MARCHF1: variants seen among roughly 807,000 people sequenced by gnomAD.
MARCHF1 encodes E3 ubiquitin-protein ligase MARCHF1.
MARCHF1 carries 40 observed loss-of-function variants against 54.2 expected under a neutral mutation model. That is an observed-to-expected ratio of 0.74 (90% CI 0.57 to 0.96). The LOEUF (loss-of-function observed/expected upper bound fraction) is 0.96, where lower values mean the gene tolerates loss of function less well. Among genes scored for constraint, MARCHF1 ranks in the 40% least tolerant of loss-of-function variants. The pLI is 0.00. For missense variants in MARCHF1, 586 were observed against 656.5 expected, an observed-to-expected ratio of 0.89 and a Z score of 1.17; for synonymous variants, 236 against 236.3, an observed-to-expected ratio of 1.00 and a Z score of 0.01.
At chr4:164,118,211 T>C (rs115770467) in intron 1 of MARCHF1, among the ~76,000 whole-genome samples, 1,826 of 151,850 alleles carry the variant, frequency 0.012, 43 homozygotes, top group African/African-American at 0.042. Context: ...TATTTTTATA[T>C]GGAAAACATT....
At chr4:163,989,530 T>C (rs1022448204) in intron 2 of MARCHF1, among the ~76,000 whole-genome samples, 6 of 152,202 alleles carry the variant, frequency 3.9e-5, no homozygotes, top group African/African-American at 1.4e-4. Flanking sequence ...AGCTTCTCCT[T>C]GCTTTTCCAT....
In MARCHF1 at chr4:163,726,761, C is replaced by T. The variant is rs574377909; in HGVS notation, c.112-25898G>A. On this transcript the variant is annotated intron_variant, in intron 4 of 9. Transcript: ENST00000514618. The stretch of plus-strand genomic sequence containing the variant: ...GTTCCTGTTACTCTGCATCCTGCTA[C>T]ATTTGGTGGTGGTGTTTTGGTTTTG... Among the ~76,000 whole-genome samples the T allele has an allele frequency of 4.6e-5, 7 of 152,328 alleles. No individual in the cohort carries two copies. The South Asian group carries it at 1.4e-3, about 32-fold the overall frequency.
chr4:164,163,922 C>G (rs1199331722), intron 1 of MARCHF1, among the ~76,000 whole-genome samples: 1 of 151,656 alleles, frequency 6.6e-6, no homozygotes, highest in East Asian at 1.9e-4. Flanking sequence ...ATCAATAGTA[C>G]AAAGATGTCT....
At chr4:163,532,155 A>G (rs181608587) in intron 9 of MARCHF1, among the ~76,000 whole-genome samples, 2 of 152,026 alleles carry the variant, frequency 1.3e-5, no homozygotes, top group Admixed American at 1.3e-4. Context: ...TTGAAGTGGA[A>G]GAATAAAGTT....
At chr4:164,179,040 G>A (rs1390305564) in intron 1 of MARCHF1, among the ~76,000 whole-genome samples, 2 of 152,146 alleles carry the variant, frequency 1.3e-5, no homozygotes, top group Non-Finnish European at 2.9e-5. Flanking sequence ...CTCTCCCTGT[G>A]TTGGCGGGCA....
chr4:164,202,012 G>A (rs1294249231), intron 1 of MARCHF1, among the ~76,000 whole-genome samples: 1 of 152,120 alleles, frequency 6.6e-6, no homozygotes, highest in Non-Finnish European at 1.5e-5. Flanking sequence ...ACTATGTCAG[G>A]CTCTAGGGCT....
chr4:164,162,161 T>C (rs1454884492), intron 1 of MARCHF1, among the ~76,000 whole-genome samples: 1 of 152,052 alleles, frequency 6.6e-6, no homozygotes, highest in African/African-American at 2.4e-5. Context: ...AATAAGCAGA[T>C]AAAATATAAA....
At position 164,139,667 on chromosome 4, in the gene MARCHF1, T is replaced by G. The variant is rs560862223; in HGVS notation, c.-322-28005A>C. Among the ~76,000 whole-genome samples the G allele has an allele frequency of 2.0e-5, 3 of 152,104 alleles. No homozygotes were observed. The East Asian group carries it at 5.8e-4, about 29-fold the overall frequency. On this transcript the variant is annotated intron_variant, in intron 1 of 9. Transcript: ENST00000514618. ...GAGCTGCTCATCCCTGCTGTAAGAG[T>G]TGCTTACTCAGCGCAGGAGTAGAAA...
chr4:163,802,776 A>C (rs1748117412), intron 4 of MARCHF1, among the ~76,000 whole-genome samples: 1 of 152,094 alleles, frequency 6.6e-6, no homozygotes, highest in Admixed American at 6.6e-5. Flanking sequence ...TAGATAACAA[A>C]ATGTTGTTCT....
chr4:163,743,236 G>T (rs1746260186), intron 4 of MARCHF1, among the ~76,000 whole-genome samples: 2 of 152,134 alleles, frequency 1.3e-5, no homozygotes, highest in Non-Finnish European at 1.5e-5. Context: ...TCAAAAAAAA[G>T]ATTATAAAAT....
At chr4:164,241,229 C>G (rs866296841) in intron 1 of MARCHF1, among the ~76,000 whole-genome samples, 1 of 152,140 alleles carries the variant, frequency 6.6e-6, no homozygotes, top group African/African-American at 2.4e-5. Context: ...AACCAATCAG[C>G]AGTATCTATT....
intron 2 of MARCHF1, among the ~76,000 whole-genome samples, chr4:164,035,870 C>T (rs1439202508): frequency 1.4e-5 from 2 of 143,524 alleles, no homozygotes; most frequent in African/African-American, 5.2e-5. Flanking sequence ...CACCTGAGGA[C>T]AGGAGTTCTA....
intron 4 of MARCHF1, among the ~76,000 whole-genome samples, chr4:163,730,808 A>G (rs1215347374): frequency 6.6e-6 from 1 of 152,180 alleles, no homozygotes; most frequent in Non-Finnish European, 1.5e-5. Context: ...AATTTGTTCT[A>G]CTAATTGTGG....
At chr4:164,230,115 G>A (rs910201178) in intron 1 of MARCHF1, among the ~76,000 whole-genome samples, 7 of 152,112 alleles carry the variant, frequency 4.6e-5, no homozygotes, top group African/African-American at 1.7e-4. Flanking sequence ...TTGATATAAG[G>A]CTGGGCACGG....
At chr4:164,170,915 T>A (rs1002701506) in intron 1 of MARCHF1, among the ~76,000 whole-genome samples, 3 of 152,124 alleles carry the variant, frequency 2.0e-5, no homozygotes, top group Admixed American at 2.0e-4. Flanking sequence ...CAAATATTCA[T>A]GAGTAATTAT....
chr4:164,022,262 T>C lies in MARCHF1; in HGVS notation c.-247-33553A>G, dbSNP rs185034060. Among the ~76,000 whole-genome samples, 13 of 152,268 alleles carry C rather than the reference T, an allele frequency of 8.5e-5. No homozygotes were observed. The East Asian group carries it at 2.5e-3, about 29-fold the overall frequency. On this transcript the variant is annotated intron_variant, in intron 2 of 9. Coordinates refer to ENST00000514618, the MANE Select transcript of MARCHF1 (RefSeq NM_001394959.1). ...TGTGACTAATTAAATTAAATTAAAA[T>C]TCACTTTCTGTTGAAGACAAGAAGG... is the stretch of plus-strand genomic sequence containing the variant.
chr4:164,334,657 T>C (rs1288210571), intron 1 of MARCHF1, among the ~76,000 whole-genome samples: 2 of 152,212 alleles, frequency 1.3e-5, no homozygotes, highest in Admixed American at 6.5e-5. Context: ...CTACAATCCA[T>C]AGATCAAGGA....
At chr4:163,615,398 C>T (rs1301582858) in intron 5 of MARCHF1, among the ~76,000 whole-genome samples, 1 of 152,006 alleles carries the variant, frequency 6.6e-6, no homozygotes, top group East Asian at 1.9e-4. Flanking sequence ...TACACATCAA[C>T]ATACAAAAAT....
intron 1 of MARCHF1, among the ~76,000 whole-genome samples, chr4:164,301,097 T>C (rs1734548675): frequency 6.6e-6 from 1 of 152,156 alleles, no homozygotes; most frequent in African/African-American, 2.4e-5. Flanking sequence ...GATCTTAAAG[T>C]GCCCTTATGC....
Sources: gnomAD v4.1 joint callset for allele counts (sites outside exome capture counted in the v4.1 genomes callset) on GRCh38, gnomAD v4.1.1 for gene constraint, MANE v1.5 for transcripts, NCBI Gene and HGNC (gene_info 2026-07-23, HGNC 2026-07-21) for gene names.